The following HINT3 variants were observed in gnomAD, a reference collection of about 807,000 sequenced individuals.
HINT3 encodes the protein adenosine 5'-monophosphoramidase HINT3.
Under a neutral mutation model 19.1 loss-of-function variants are expected in HINT3, and 16 were observed. That is an observed-to-expected ratio of 0.84 (90% CI 0.57 to 1.27). HINT3 has a LOEUF of 1.27. HINT3 is among the 50% of genes most tolerant of loss of function. HINT3 has a pLI of 0.00. For synonymous variants in HINT3, 75 were observed against 84.8 expected, an observed-to-expected ratio of 0.88 and a Z score of 0.63; for missense variants, 197 against 225.8, an observed-to-expected ratio of 0.87 and a Z score of 0.82.
At chr6:125,968,760 A>T (rs1789054169) in intron 2 of HINT3, among the ~76,000 whole-genome samples, 1 of 151,972 alleles carries the variant, frequency 6.6e-6, no homozygotes, top group Non-Finnish European at 1.5e-5. Flanking sequence ...TTTCCTGATG[A>T]TTAGTGATGT....
chr6:125,965,597 C>T (rs1045364104), intron 1 of HINT3, among the ~76,000 whole-genome samples: 6 of 151,968 alleles, frequency 3.9e-5, no homozygotes, highest in Admixed American at 1.3e-4. Flanking sequence ...TCCATCTCTA[C>T]AAATATATAT....
chr6:125,964,742 AC>A (rs1788992809), intron 1 of HINT3, among the ~76,000 whole-genome samples: 2 of 11,292 alleles, frequency 1.8e-4, no homozygotes, highest in African/African-American at 1.1e-3. Context: ...TTTTATACAC[AC>A]ACACACACAC....
chr6:125,975,799 A>G (rs1023404024), intron 4 of HINT3, among the ~76,000 whole-genome samples: 6 of 152,102 alleles, frequency 3.9e-5, no homozygotes, highest in African/African-American at 1.4e-4. Flanking sequence ...GCTGGTCTCT[A>G]TCTCCTGACC....
At chr6:125,962,227 T>TACAC (rs1788944115) in intron 1 of HINT3, among the ~76,000 whole-genome samples, 1 of 37,160 alleles carries the variant, frequency 2.7e-5, no homozygotes, top group Admixed American at 3.5e-4. Context: ...TATATATATA[T>TACAC]ATATATACAC....
intron 2 of HINT3, among the ~76,000 whole-genome samples, chr6:125,967,387 G>A (rs989268380): frequency 3.5e-5 from 5 of 143,776 alleles, no homozygotes; most frequent in South Asian, 4.3e-4. Flanking sequence ...GCTGGAGTGC[G>A]GTGGTGCAAT....
chr6:125,966,972 G>T lies in HINT3; in HGVS notation c.287G>T (p.Cys96Phe), dbSNP rs766130928. The change falls in exon 2 of 5, where the codon TGC becomes TTC. Residue 96 changes from cysteine to phenylalanine, a missense_variant. Physicochemically the swap from Cys to Phe is radical, Grantham distance 205. Transcript: ENST00000229633. ...LVVPKKHIGN[C>F]RTLRKDQVEL... Reference sequence around the variant, plus strand: ...GTGCCAAAGAAGCATATTGGAAACTGCAGAACTCTAAGGAAAGATCAAGTA... The same window carrying T: ...GTGCCAAAGAAGCATATTGGAAACTTCAGAACTCTAAGGAAAGATCAAGTA... 1 of 1,611,218 alleles carries T rather than the reference G, an allele frequency of 6.2e-7. No homozygotes were observed. The highest frequency in any genetic ancestry group is 8.5e-7 in the Non-Finnish European group (1 of 1,177,974).
intron 2 of HINT3, among the ~76,000 whole-genome samples, chr6:125,971,628 G>A (rs1338537600): frequency 3.3e-5 from 5 of 151,378 alleles, no homozygotes; most frequent in Admixed American, 1.3e-4. Context: ...TCGACCTCCT[G>A]GGCTCAAGAA....
intron 3 of HINT3, among the ~76,000 whole-genome samples, chr6:125,973,550 T>C (rs991208845): frequency 6.6e-6 from 1 of 152,182 alleles, no homozygotes; most frequent in Non-Finnish European, 1.5e-5. Flanking sequence ...GTACTCTACG[T>C]ACACTGTCTG....
chr6:125,960,671 A>AGGGGGGGG (rs1562211533), intron 1 of HINT3, among the ~76,000 whole-genome samples: 12 of 92,504 alleles, frequency 1.3e-4, no homozygotes, highest in Admixed American at 3.1e-4. Flanking sequence ...GGGGGAAAAA[A>AGGGGGGGG]AAAGAAGTTA....
intron 4 of HINT3, among the ~76,000 whole-genome samples, chr6:125,975,335 T>G (rs1326972508): frequency 6.6e-6 from 1 of 152,180 alleles, no homozygotes; most frequent in Non-Finnish European, 1.5e-5. Flanking sequence ...AAGGTCTTTA[T>G]CTATTACCTG....
chr6:125,962,187 C>T (rs62426373), intron 1 of HINT3, among the ~76,000 whole-genome samples: 87 of 58,994 alleles, frequency 1.5e-3, no homozygotes, highest in Non-Finnish European at 2.0e-3. Context: ...TATATATATA[C>T]ACATATATAT....
rs1788853223 is a variant in HINT3 at position 125,957,244 on chromosome 6, G to A, written c.201+66G>A. The A allele has an allele frequency of 3.4e-6, 5 of 1,460,492 alleles. No individual in the cohort carries two copies. In the African/African-American group the frequency reaches 4.2e-5, roughly 12 times the overall value. 90.5% of individuals were successfully genotyped at this position (1,460,492 alleles called of 1,614,324 possible). A position where few individuals can be genotyped will look rare whatever the true frequency, so the allele number is the denominator to read the frequency against. Reference sequence around the variant, plus strand: ...CCGCCCCTCGGAGCTCCGGCAGGGAGGCCTCGCCGTTGTGGAGCGGGTGCA... The same window carrying A: ...CCGCCCCTCGGAGCTCCGGCAGGGAAGCCTCGCCGTTGTGGAGCGGGTGCA... On this transcript the variant is annotated intron_variant, in intron 1 of 4. Transcript: ENST00000229633.
At chr6:125,962,375 G>A (rs1008055097) in intron 1 of HINT3, among the ~76,000 whole-genome samples, 25 of 147,346 alleles carry the variant, frequency 1.7e-4, no homozygotes, top group Admixed American at 8.1e-4. Flanking sequence ...ATACAGATGC[G>A]TGTATAATAG....
intron 3 of HINT3, 111 bp from the exon 4 acceptor site, chr6:125,974,736 A>C (rs1017409069): frequency 9.8e-7 from 1 of 1,017,018 alleles, no homozygotes; most frequent in Non-Finnish European, 1.5e-6. Context: ...GTGACAGTCT[A>C]TTTACCTTAG....
intron 4 of HINT3, among the ~76,000 whole-genome samples, chr6:125,975,834 C>CA (rs1218039639): frequency 1.3e-5 from 2 of 152,102 alleles, no homozygotes; most frequent in African/African-American, 2.4e-5. Context: ...CCTTGGTGTC[C>CA]CAAAGTGCTG....
At chr6:125,971,153 A>G (rs1245171208) in intron 2 of HINT3, among the ~76,000 whole-genome samples, 3 of 152,190 alleles carry the variant, frequency 2.0e-5, no homozygotes, top group African/African-American at 7.2e-5. Flanking sequence ...GTTTATTCCC[A>G]CCTGAAGGCC....
At chr6:125,970,805 T>G (rs982968478) in intron 2 of HINT3, among the ~76,000 whole-genome samples, 2 of 152,136 alleles carry the variant, frequency 1.3e-5, no homozygotes, top group Non-Finnish European at 2.9e-5. Context: ...GATTGAAATC[T>G]TATAAATATG....
At chr6:125,972,777 A>G (rs1227074069) in intron 3 of HINT3, among the ~76,000 whole-genome samples, 1 of 152,038 alleles carries the variant, frequency 6.6e-6, no homozygotes, top group African/African-American at 2.4e-5. Flanking sequence ...TTAGGTAGAG[A>G]CAGGGTCTCC....
At chr6:125,976,760 C>G (rs1741484987) in intron 4 of HINT3, among the ~76,000 whole-genome samples, 1 of 151,712 alleles carries the variant, frequency 6.6e-6, no homozygotes, top group Non-Finnish European at 1.5e-5. Flanking sequence ...GTTAGCGTAT[C>G]TTATGAGACT....
Sources: gnomAD v4.1 joint callset for allele counts (sites outside exome capture counted in the v4.1 genomes callset) on GRCh38, gnomAD v4.1.1 for gene constraint, MANE v1.5 for transcripts, NCBI Gene and HGNC (gene_info 2026-07-23, HGNC 2026-07-21) for gene names.